Variants in TRDN observed in about 807,000 individuals in gnomAD.
The protein encoded by TRDN is triadin in skeletal muscle.
A neutral mutation model predicts 149.7 loss-of-function variants in TRDN; 161 were observed. The observed-to-expected ratio is 1.08, with a 90% CI of 0.95 to 1.23. The LOEUF (loss-of-function observed/expected upper bound fraction) is 1.23. Among genes scored for constraint, TRDN ranks in the 50% most tolerant of loss-of-function variants. The probability of loss-of-function intolerance (pLI) is 0.00; values close to 1 mark genes in which losing one functional copy is unlikely to be tolerated. For missense variants in TRDN, 896 were observed against 823.5 expected, an observed-to-expected ratio of 1.09 and a Z score of -1.08; for synonymous variants, 294 against 250.5, an observed-to-expected ratio of 1.17 and a Z score of -1.64.
chr6:123,373,792 T>G (rs1781409000), intron 19 of TRDN, among the ~76,000 whole-genome samples: 1 of 152,222 alleles, frequency 6.6e-6, no homozygotes, highest in Admixed American at 6.5e-5. Context: ...CTTAACATAC[T>G]GTAAAATCAT....
At position 123,331,979 on chromosome 6, in the gene TRDN, C is replaced by G. The variant is rs756851559; in HGVS notation, c.1421-50G>C. On this transcript the variant is annotated intron_variant, in intron 22 of 40. Transcript: ENST00000334268. Reference sequence around the variant, plus strand: ...TTTGAAGCCAAGACAAAGAGATTTTCAGATACCTATAAATGAAGTCAGTAA... The same window carrying G: ...TTTGAAGCCAAGACAAAGAGATTTTGAGATACCTATAAATGAAGTCAGTAA... 5.5e-5 allele frequency: 76 copies of G among 1,386,606 alleles called. 1 individual carries two copies. The South Asian group carries it at 9.4e-4, about 17-fold the overall frequency. The allele number at this position is 1,386,606 out of a possible 1,614,324, so 85.9% of individuals were successfully genotyped here. A position where few individuals can be genotyped will look rare whatever the true frequency, so the allele number is the denominator to read the frequency against.
At chr6:123,267,101 C>CAAA (rs768727745) in intron 32 of TRDN, among the ~76,000 whole-genome samples, 1 of 69,340 alleles carries the variant, frequency 1.4e-5, no homozygotes, top group East Asian at 6.0e-4. Flanking sequence ...GATTTTGTCT[C>CAAA]AAAAAAAAAA....
intron 9 of TRDN, chr6:123,471,479 T>C (rs1255060093): frequency 6.6e-6 from 1 of 152,152 alleles, no homozygotes; most frequent in East Asian, 1.9e-4. Flanking sequence ...TTTTTCACAA[T>C]TTTAGAAAAG....
intron 21 of TRDN, among the ~76,000 whole-genome samples, chr6:123,348,301 A>G (rs972484864): frequency 2.6e-5 from 4 of 152,120 alleles, no homozygotes; most frequent in Non-Finnish European, 4.4e-5. Context: ...TAAAGTGTTG[A>G]TTTTCATTAC....
chr6:123,539,545 T>G (rs1780721598), intron 4 of TRDN, among the ~76,000 whole-genome samples: 1 of 152,218 alleles, frequency 6.6e-6, no homozygotes, highest in Non-Finnish European at 1.5e-5. Flanking sequence ...CCATAGCTGG[T>G]TAACAGCAGA....
At chr6:123,533,541 TAAGTTTGC>T (rs1041196245) in intron 4 of TRDN, among the ~76,000 whole-genome samples, 2 of 152,024 alleles carry the variant, frequency 1.3e-5, no homozygotes, top group African/African-American at 4.8e-5. Flanking sequence ...AAGGTAGGTG[TAAGTTTGC>T]ACATCAGAAA....
At position 123,343,504 on chromosome 6, in the gene TRDN, A is replaced by T. The variant is rs116569945; in HGVS notation, c.1370-5835T>A. Among the ~76,000 whole-genome samples the T allele has an allele frequency of 1.0e-2, 1,517 of 152,008 alleles. 19 individuals are homozygous for T. The highest frequency in any genetic ancestry group is 0.035 in the African/African-American group (1,443 of 41,540). On this transcript the variant is annotated intron_variant, in intron 21 of 40. Transcript: ENST00000334268. ...AAGAAATATAATTGAATATAAGAAA[A>T]AATGTTAACTGAATAATTATTAATA...
chr6:123,516,040 AT>A (rs1737930261), intron 6 of TRDN, 100 bp downstream of exon 6: 1 of 1,178,870 alleles, frequency 8.5e-7, no homozygotes, highest in Admixed American at 4.3e-5. Context: ...TCCTAATCTA[AT>A]TTGTAAAACT....
intron 38 of TRDN, among the ~76,000 whole-genome samples, chr6:123,230,674 T>C (rs1010155148): frequency 2.0e-5 from 3 of 152,002 alleles, no homozygotes; most frequent in African/African-American, 7.2e-5. Flanking sequence ...TTTTCATAGA[T>C]GGTTGGAATC....
At chr6:123,231,966 A>T (rs1305562011) in intron 38 of TRDN, among the ~76,000 whole-genome samples, 1 of 152,038 alleles carries the variant, frequency 6.6e-6, no homozygotes, top group Non-Finnish European at 1.5e-5. Context: ...TGATATGAAG[A>T]TCAGTTGTAA....
chr6:123,503,938 T>C (rs762770325), intron 7 of TRDN, 37 bp from the exon 8 acceptor site: 48 of 1,512,724 alleles, frequency 3.2e-5, no homozygotes, highest in Middle Eastern at 3.9e-4. Context: ...TACTTTTGTT[T>C]ATTTACAAAC....
intron 10 of TRDN, among the ~76,000 whole-genome samples, chr6:123,446,584 C>CAAAAAAAAAAAAAA (rs572029827): frequency 1.6e-5 from 1 of 61,090 alleles, no homozygotes; most frequent in Non-Finnish European, 3.0e-5. Context: ...GATTCCATCT[C>CAAAAAAAAAAAAAA]AAAAAAAAAA....
intron 1 of TRDN, among the ~76,000 whole-genome samples, chr6:123,617,435 A>G (rs1406310730): frequency 6.6e-6 from 1 of 152,188 alleles, no homozygotes; most frequent in Non-Finnish European, 1.5e-5. Flanking sequence ...TAAATATTGC[A>G]CAAGCTACAG....
intron 12 of TRDN, among the ~76,000 whole-genome samples, chr6:123,436,748 T>C (rs1210400546): frequency 6.6e-6 from 1 of 152,112 alleles, no homozygotes; most frequent in African/African-American, 2.4e-5. Flanking sequence ...TACCACCTCA[T>C]GTTCTGGGGT....
chr6:123,465,421 G>A (rs1776726610), intron 9 of TRDN, among the ~76,000 whole-genome samples: 1 of 151,600 alleles, frequency 6.6e-6, no homozygotes. Context: ...AATAAAAGAA[G>A]GTTGAAATTC....
intron 4 of TRDN, among the ~76,000 whole-genome samples, chr6:123,531,200 G>T (rs554808823): frequency 6.6e-6 from 1 of 152,040 alleles, no homozygotes; most frequent in South Asian, 2.1e-4. Flanking sequence ...CTAAGAAAAT[G>T]GAGTTAATTC....
chr6:123,287,414 T>C (rs977487425), intron 24 of TRDN, among the ~76,000 whole-genome samples: 1 of 152,156 alleles, frequency 6.6e-6, no homozygotes, highest in Non-Finnish European at 1.5e-5. Context: ...TAAGAACTTA[T>C]TAGAAATGTA....
intron 24 of TRDN, among the ~76,000 whole-genome samples, chr6:123,294,599 C>T (rs1778127474): frequency 6.6e-6 from 1 of 152,130 alleles, no homozygotes. Flanking sequence ...ATAGGGTTTG[C>T]ACTCATATGA....
At chr6:123,237,521 T>G (rs1325958485) in intron 38 of TRDN, among the ~76,000 whole-genome samples, 1 of 152,208 alleles carries the variant, frequency 6.6e-6, no homozygotes, top group African/African-American at 2.4e-5. Context: ...CTGCTGGGAT[T>G]ACAGGCGTGA....
Sources: allele counts gnomAD v4.1 joint callset (sites outside exome capture counted in the v4.1 genomes callset), GRCh38; gene constraint gnomAD v4.1.1; transcripts MANE v1.5; gene names NCBI Gene and HGNC (gene_info 2026-07-23, HGNC 2026-07-21).